The following BTF3L4 variants were observed in gnomAD, a reference collection of about 807,000 sequenced individuals.
BTF3L4 encodes transcription factor BTF3 homolog 4.
In BTF3L4, 6 loss-of-function variants were observed where a neutral mutation model predicts 16.8. That is an observed-to-expected ratio of 0.36 (90% CI 0.20 to 0.71). BTF3L4 has a LOEUF of 0.71. Among genes scored for constraint, BTF3L4 ranks in the 30% least tolerant of loss-of-function variants. BTF3L4 has a pLI of 0.58. For missense variants in BTF3L4, 92 were observed against 186.9 expected (o/e 0.49, Z 2.96); for synonymous variants, 39 against 59.8 (o/e 0.65, Z 1.60).
intron 2 of BTF3L4, among the ~76,000 whole-genome samples, chr1:52,062,184 C>T (rs1184916760): frequency 1.4e-5 from 2 of 143,176 alleles, no homozygotes; most frequent in Admixed American, 7.3e-5. Flanking sequence ...ACCTCGTGAT[C>T]GCCCGCCTCG....
intron 5 of BTF3L4, 195 bp downstream of exon 5, chr1:52,086,366 A>G (rs376342479): frequency 2.0e-6 from 1 of 492,716 alleles, no homozygotes; most frequent in East Asian, 3.3e-5. Flanking sequence ...TTGTCACACA[A>G]AGCTCTGCTG....
intron 3 of BTF3L4, among the ~76,000 whole-genome samples, chr1:52,071,560 G>C (rs1686787187): frequency 1.3e-5 from 2 of 152,220 alleles, no homozygotes; most frequent in South Asian, 4.1e-4. Context: ...TTAAATTTAA[G>C]AGGTACTGAT....
At chr1:52,064,257 G>GCAC (rs1258383412) in intron 2 of BTF3L4, among the ~76,000 whole-genome samples, 1 of 152,130 alleles carries the variant, frequency 6.6e-6, no homozygotes, top group African/African-American at 2.4e-5. Flanking sequence ...TTCTAATAAA[G>GCAC]TATTGCTTTG....
rs377112412 is a variant in BTF3L4, at chr1:52,090,102, G to C, written c.*3344G>C. ...GTAACCTTTCTGACAGGGCTGCTGC[G>C]GTGCACAACTTCGGGAGCCATCACT... On this transcript the variant is annotated 3_prime_UTR_variant, in exon 6 of 6. Coordinates refer to ENST00000313334, the MANE Select transcript of BTF3L4 (RefSeq NM_152265.5). 1 of 152,208 alleles carries C rather than the reference G, an allele frequency of 6.6e-6. No individual in the cohort carries two copies. Among genetic ancestry groups the C allele is most frequent in the Admixed American group, 6.5e-5 (1 of 15,280 alleles). The allele number at this position is 152,208 out of a possible 1,614,324, so 9.4% of individuals were successfully genotyped here.
chr1:52,075,367 A>G (rs1019903565), intron 3 of BTF3L4, among the ~76,000 whole-genome samples: 23 of 150,700 alleles, frequency 1.5e-4, no homozygotes, highest in African/African-American at 5.6e-4. Flanking sequence ...CAAAAATACA[A>G]AAATTAGCCG....
At chr1:52,086,045 T>C (rs879320424) in intron 4 of BTF3L4, 67 bp from the exon 5 acceptor site, 3 of 1,082,678 alleles carry the variant, frequency 2.8e-6, no homozygotes, top group Non-Finnish European at 4.0e-6. Context: ...AAAAAAGGGA[T>C]AAACATTATA....
chr1:52,060,476 T>C (rs1450669200), intron 2 of BTF3L4: 2 of 1,270,960 alleles, frequency 1.6e-6, no homozygotes, highest in South Asian at 1.3e-5. Flanking sequence ...TGAATATGAA[T>C]ATCAGCTTTC....
At position 52,086,059 on chromosome 1, in the gene BTF3L4, TTTC is replaced by T. The variant is rs1219774839; in HGVS notation, c.371-50_371-48del. 2.0e-5 allele frequency: 26 copies of T among 1,278,870 alleles called. No individual in the cohort carries two copies. The South Asian group carries it at 2.5e-4, about 12-fold the overall frequency. 79.2% of individuals were successfully genotyped at this position (1,278,870 alleles called of 1,614,324 possible). A position where few individuals can be genotyped will look rare whatever the true frequency, so the allele number is the denominator to read the frequency against. On this transcript the variant is annotated intron_variant, in intron 4 of 5. Transcript: ENST00000313334. ...GAAAAAAGGGATAAACATTATAAGT[TTTC>T]TTTAAGGTCTTTGTTCTCAATGACT... is the stretch of plus-strand genomic sequence containing the variant.
intron 2 of BTF3L4, among the ~76,000 whole-genome samples, chr1:52,063,840 ACCCCT>A (rs892498581): frequency 6.6e-6 from 1 of 152,040 alleles, no homozygotes; most frequent in African/African-American, 2.4e-5. Flanking sequence ...TGAGAATCTG[ACCCCT>A]CACCATCTTC....
intron 3 of BTF3L4, among the ~76,000 whole-genome samples, chr1:52,081,061 AT>A (rs1643915328): frequency 6.7e-6 from 1 of 148,830 alleles, no homozygotes; most frequent in Non-Finnish European, 1.5e-5. Flanking sequence ...GATGGTCTCT[AT>A]TTCCTGACCT....
In BTF3L4 at chr1:52,059,612, T is replaced by C. The variant is rs567905621; in HGVS notation, c.-13-223T>C. 7.2e-5 allele frequency among the ~76,000 whole-genome samples: 11 copies of C among 152,330 alleles called. No homozygotes were observed. In the South Asian group the frequency reaches 2.3e-3, roughly 32 times the overall value. ...TGAATCCCATTCTACTTTCTGTTTG[T>C]ATATTTGATTCCCTCATGGTAATTT... On this transcript the variant is annotated intron_variant, in intron 1 of 5. Transcript: ENST00000313334.
Position 52,080,876 on chromosome 1 carries a change from G to A in BTF3L4, c.169-2464G>A, listed in dbSNP as rs548919908. Among the ~76,000 whole-genome samples the A allele has an allele frequency of 3.1e-4, 43 of 140,772 alleles. No individual in the cohort carries two copies. The South Asian group carries it at 4.3e-3, about 14-fold the overall frequency. The allele number at this position is 140,772 out of a possible 152,430, so 92.4% of individuals were successfully genotyped here. A position where few individuals can be genotyped will look rare whatever the true frequency, so the allele number is the denominator to read the frequency against. Reference sequence around the variant, plus strand: ...TTTTTTTTCTGAGAAAGTCTCACTCGGTAGCCAGGCTGGAATGCAGTGGCA... The same window carrying A: ...TTTTTTTTCTGAGAAAGTCTCACTCAGTAGCCAGGCTGGAATGCAGTGGCA... On this transcript the variant is annotated intron_variant, in intron 3 of 5. Coordinates refer to ENST00000313334, the MANE Select transcript of BTF3L4 (RefSeq NM_152265.5).
chr1:52,056,780 C>T (rs1323662738), intron 1 of BTF3L4, among the ~76,000 whole-genome samples: 1 of 152,218 alleles, frequency 6.6e-6, no homozygotes, highest in East Asian at 1.9e-4. Flanking sequence ...CTGAGGTTAC[C>T]ACTTCCCGCC....
chr1:52,060,436 C>T (rs926707525), intron 2 of BTF3L4: 2 of 1,261,688 alleles, frequency 1.6e-6, no homozygotes, highest in African/African-American at 3.1e-5. Flanking sequence ...AGGTTTTCCT[C>T]ACAAATTCTT....
chr1:52,069,483 C>CAT (rs969121569), intron 3 of BTF3L4, among the ~76,000 whole-genome samples: 1 of 151,908 alleles, frequency 6.6e-6, no homozygotes, highest in Non-Finnish European at 1.5e-5. Flanking sequence ...CAGATATGAA[C>CAT]ATATATATAT....
At position 52,056,690 on chromosome 1, in the gene BTF3L4, A is replaced by G. The variant is rs114577316; in HGVS notation, c.-14+311A>G. 7.3e-3 allele frequency among the ~76,000 whole-genome samples: 1,110 copies of G among 152,368 alleles called. 8 individuals carry two copies. Among genetic ancestry groups the G allele is most frequent in the African/African-American group, 0.025 (1,046 of 41,588 alleles). On this transcript the variant is annotated intron_variant, in intron 1 of 5. Coordinates refer to ENST00000313334, the MANE Select transcript of BTF3L4 (RefSeq NM_152265.5). ...TGTTCCATTACTCCTTGCTCACAAC[A>G]GCAGTGTTGTGTGCTTTGAGCTTTA...
chr1:52,072,488 C>G (rs1237296114), intron 3 of BTF3L4, among the ~76,000 whole-genome samples: 1 of 152,162 alleles, frequency 6.6e-6, no homozygotes, highest in Non-Finnish European at 1.5e-5. Flanking sequence ...TTATTCCCCT[C>G]TACCCCAGCC....
intron 3 of BTF3L4, among the ~76,000 whole-genome samples, chr1:52,073,951 C>T (rs1377425120): frequency 2.6e-5 from 4 of 151,874 alleles, no homozygotes; most frequent in African/African-American, 4.8e-5. Flanking sequence ...GAACTGAGAT[C>T]GTGTCACTGC....
intron 3 of BTF3L4, among the ~76,000 whole-genome samples, chr1:52,080,833 CT>C (rs1643913366): frequency 8.1e-6 from 1 of 122,906 alleles, no homozygotes; most frequent in South Asian, 2.8e-4. Flanking sequence ...TGCGCTCGGC[CT>C]TCTTTTTTTT....
Sources: allele counts gnomAD v4.1 joint callset (sites outside exome capture counted in the v4.1 genomes callset), GRCh38; gene constraint gnomAD v4.1.1; transcripts MANE v1.5; gene names NCBI Gene and HGNC (gene_info 2026-07-23, HGNC 2026-07-21).